Variants in NR4A1 observed in about 807,000 individuals in gnomAD.
NR4A1 encodes nuclear receptor subfamily 4 group A member 1.
NR4A1 carries 24 observed loss-of-function variants against 47.5 expected under a neutral mutation model. The ratio of observed to expected loss-of-function variants is 0.50; its 90% CI spans 0.37 to 0.71. The LOEUF (loss-of-function observed/expected upper bound fraction) is 0.71, where lower values mean the gene tolerates loss of function less well. Ranked by LOEUF, NR4A1 falls within the 30% of genes least tolerant of loss-of-function variation. The pLI, the probability that NR4A1 is intolerant of heterozygous loss-of-function variation, is 0.00. For missense variants in NR4A1, 669 were observed against 788.6 expected, an observed-to-expected ratio of 0.85 and a Z score of 1.82; for synonymous variants, 353 against 345.7, an observed-to-expected ratio of 1.02 and a Z score of -0.24.
At chr12:52,024,012 C>T (rs1388638264) in intron 1 of NR4A1, among the ~76,000 whole-genome samples, 1 of 152,238 alleles carries the variant, frequency 6.6e-6, no homozygotes, top group African/African-American at 2.4e-5. Context: ...GGTCCTGGCC[C>T]CAGCCGTGCC....
intron 1 of NR4A1, among the ~76,000 whole-genome samples, chr12:52,052,291 G>T (rs1457110616): frequency 7.0e-6 from 1 of 143,194 alleles, no homozygotes; most frequent in African/African-American, 2.9e-5. Flanking sequence ...GTGTGTGTGT[G>T]TGTGTGTGTG....
At chr12:52,028,610 A>G (rs569843490) in intron 1 of NR4A1, among the ~76,000 whole-genome samples, 6 of 152,082 alleles carry the variant, frequency 3.9e-5, no homozygotes, top group South Asian at 4.2e-4. Context: ...CCTGCTTAAA[A>G]GACAAAAAGA....
At chr12:52,038,293 G>A (rs775588868) in intron 1 of NR4A1, 20 of 186,222 alleles carry the variant, frequency 1.1e-4, no homozygotes, top group Non-Finnish European at 2.0e-4. Flanking sequence ...TGGAACTCCT[G>A]ACCTTGTGAT....
intron 1 of NR4A1, among the ~76,000 whole-genome samples, chr12:52,052,323 G>GAGAGAGAGAGAGAGAA (rs146840622): frequency 5.5e-4 from 80 of 146,748 alleles, no homozygotes; most frequent in Non-Finnish European, 9.1e-4. Flanking sequence ...GAGAGAGAGA[G>GAGAGAGAGAGAGAGAA]AGAGAAAGAG....
intron 1 of NR4A1, among the ~76,000 whole-genome samples, 170 bp downstream of exon 1, chr12:52,051,738 G>C (rs1938962770): frequency 1.3e-5 from 2 of 152,202 alleles, no homozygotes; most frequent in South Asian, 4.1e-4. Flanking sequence ...AAACTACTGG[G>C]TGCGGGGTAG....
rs527762188 is a variant in NR4A1 at position 52,028,319 on chromosome 12, T to C, written c.-84+5380T>C. ...GGCCGGGAGCAGTGGCTCACGCCTG[T>C]AATCCCAGCACTTTGGGAGGCTGAT... On this transcript the variant is annotated intron_variant, in intron 1 of 7. Transcript: ENST00000360284. Among the ~76,000 whole-genome samples the C allele has an allele frequency of 1.6e-4, 25 of 151,826 alleles. No individual in the cohort carries two copies. The East Asian group carries it at 4.1e-3, about 25-fold the overall frequency.
upstream of NR4A1, among the ~76,000 whole-genome samples, chr12:52,048,147 A>AAAAAC (rs1240249799): frequency 2.0e-5 from 3 of 150,964 alleles, no homozygotes; most frequent in African/African-American, 4.9e-5. Context: ...GCACCATCTC[A>AAAAAC]AAAACAAAAC....
chr12:52,043,701 C>T (rs752758935), intron 2 of NR4A1: 170 of 1,252,360 alleles, frequency 1.4e-4, no homozygotes, highest in Non-Finnish European at 1.7e-4. Flanking sequence ...CAGAGGAGGA[C>T]ACGCCGGCTT....
At chr12:52,056,349 A>G (rs1592307933) in intron 3 of NR4A1, 145 bp from the exon 4 acceptor site, 1 of 1,347,626 alleles carries the variant, frequency 7.4e-7, no homozygotes, top group South Asian at 1.4e-5. Flanking sequence ...TGGCAGGGGG[A>G]GGTTCCTATA....
rs1053815790 is a variant in NR4A1, at chr12:52,041,663, G to T, written c.-83-147G>T. ...GCCCCCAGGCTCCAATGCCTAACCC[G>T]GGGAGGTCCTTGGGCGCTGGCTTGT... On this transcript the variant is annotated intron_variant, in intron 1 of 7. Transcript: ENST00000360284. 1.0e-5 allele frequency: 9 copies of T among 882,446 alleles called. No individual in the cohort carries two copies. The African/African-American group carries it at 1.6e-4, about 15-fold the overall frequency. 54.7% of individuals were successfully genotyped at this position (882,446 alleles called of 1,614,324 possible).
At chr12:52,047,066 G>A (rs1188526568), upstream of NR4A1, among the ~76,000 whole-genome samples, 2 of 152,102 alleles carry the variant, frequency 1.3e-5, no homozygotes, top group Non-Finnish European at 1.5e-5. Flanking sequence ...TCTCCATCGT[G>A]ACATCTCTCC....
At chr12:52,024,550 A>G (rs1937965441) in intron 1 of NR4A1, among the ~76,000 whole-genome samples, 1 of 152,072 alleles carries the variant, frequency 6.6e-6, no homozygotes, top group African/African-American at 2.4e-5. Context: ...TTTAAAAATG[A>G]TCTGAGTGTC....
At chr12:52,055,404 C>CA in intron 2 of NR4A1, 200 bp downstream of exon 2, 1 of 669,830 alleles carries the variant, frequency 1.5e-6, no homozygotes, top group African/African-American at 1.8e-5. Context: ...CCGGGACACT[C>CA]GGGCCCATGG....
At chr12:52,048,345 A>G (rs1044158790), upstream of NR4A1, among the ~76,000 whole-genome samples, 6 of 151,894 alleles carry the variant, frequency 4.0e-5, no homozygotes, top group Admixed American at 3.9e-4. Context: ...CTGTAATCCC[A>G]GCACTTTGGG....
rs932510516 is a variant in NR4A1 at position 52,037,219 on chromosome 12, CG to C, written c.-83-4585del. 39 of 272,572 alleles carry C rather than the reference CG, an allele frequency of 1.4e-4. 1 individual carries two copies. The highest frequency in any genetic ancestry group is 1.9e-4 in the Non-Finnish European group (35 of 181,482). The allele number at this position is 272,572 out of a possible 1,614,324, so 16.9% of individuals were successfully genotyped here. A position where few individuals can be genotyped will look rare whatever the true frequency, so the allele number is the denominator to read the frequency against. ...GGCGCCGCGCGGCCGGAACTGCGGG[CG>C]GGGGGCTTCCCGGGGGCGGGGGGCG... On this transcript the variant is annotated intron_variant, in intron 1 of 7. Coordinates refer to the NR4A1 transcript ENST00000360284.
upstream of NR4A1, among the ~76,000 whole-genome samples, chr12:52,049,867 G>C (rs1034401198): frequency 2.0e-5 from 3 of 152,104 alleles, no homozygotes; most frequent in Non-Finnish European, 4.4e-5. Context: ...GCAGAAGCGG[G>C]GGCTGGAGAC....
At chr12:52,049,829 T>C (rs888474582), upstream of NR4A1, among the ~76,000 whole-genome samples, 1 of 151,858 alleles carries the variant, frequency 6.6e-6, no homozygotes, top group African/African-American at 2.4e-5. Flanking sequence ...CAGATGAAAT[T>C]TGAGGTGCTT....
upstream of NR4A1, among the ~76,000 whole-genome samples, chr12:52,048,067 T>TG (rs1307799164): frequency 6.6e-6 from 1 of 151,272 alleles, no homozygotes; most frequent in Non-Finnish European, 1.5e-5. Flanking sequence ...GGCAGGAGAA[T>TG]GGCATGAACC....
At position 52,059,123 on chromosome 12, in the gene NR4A1, A is replaced by G. The variant is rs1356826837; in HGVS notation, c.*179A>G. The G allele has an allele frequency of 1.3e-6, 1 of 763,062 alleles. No individual in the cohort carries two copies. Among genetic ancestry groups the G allele is most frequent in the East Asian group, 2.8e-5 (1 of 36,060 alleles). The allele number at this position is 763,062 out of a possible 1,614,324, so 47.3% of individuals were successfully genotyped here. On this transcript the variant is annotated 3_prime_UTR_variant, in exon 7 of 7. Coordinates refer to ENST00000394825, the MANE Select transcript of NR4A1 (RefSeq NM_173157.3). ...AGCCCTTGGGGAGGGGGATGCCTTCATGGGGGTGACCCCACGATTTGTCTT... is the reference window on the plus strand; with the variant it reads ...AGCCCTTGGGGAGGGGGATGCCTTCGTGGGGGTGACCCCACGATTTGTCTT...
Sources: gnomAD v4.1 joint callset for allele counts (sites outside exome capture counted in the v4.1 genomes callset) on GRCh38, gnomAD v4.1.1 for gene constraint, MANE v1.5 for transcripts, NCBI Gene and HGNC (gene_info 2026-07-23, HGNC 2026-07-21) for gene names.